The following SHISA9 variants were observed in gnomAD, a reference collection of about 807,000 sequenced individuals.
The protein encoded by SHISA9 is shisa family member 9.
Under a neutral mutation model 38.0 loss-of-function variants are expected in SHISA9, and 13 were observed. The ratio of observed to expected loss-of-function variants is 0.34; its 90% CI spans 0.22 to 0.54. The LOEUF (loss-of-function observed/expected upper bound fraction) is 0.54, where lower values mean the gene tolerates loss of function less well. Among genes scored for constraint, SHISA9 ranks in the 20% least tolerant of loss-of-function variants. The pLI is 0.91. For missense variants in SHISA9, 538 were observed against 575.8 expected (o/e 0.93, Z 0.67); for synonymous variants, 275 against 242.0 (o/e 1.14, Z -1.27).
At chr16:13,466,812 G>A in the SHISA9 span, among the ~76,000 whole-genome samples, 2 of 152,004 alleles carry the variant, frequency 1.3e-5, no homozygotes, top group African/African-American at 4.8e-5. Context: ...TTACATTATA[G>A]CATTTAGGTT....
the SHISA9 span, among the ~76,000 whole-genome samples, chr16:13,510,329 G>A: frequency 2.0e-5 from 3 of 152,054 alleles, no homozygotes; most frequent in Non-Finnish European, 4.4e-5. Flanking sequence ...CAAACAAACT[G>A]AGGCTCATTC....
At chr16:13,023,542 G>A (rs924134860) in intron 2 of SHISA9, among the ~76,000 whole-genome samples, 9 of 152,094 alleles carry the variant, frequency 5.9e-5, no homozygotes, top group Non-Finnish European at 1.0e-4. Context: ...CCCAGTAATG[G>A]GATTGCTGGG....
At chr16:13,401,000 A>G in the SHISA9 span, among the ~76,000 whole-genome samples, 3 of 152,192 alleles carry the variant, frequency 2.0e-5, no homozygotes, top group Admixed American at 2.0e-4. Flanking sequence ...CTCCAGCTTA[A>G]GCATGCATCC....
chr16:13,421,526 A>G, the SHISA9 span, among the ~76,000 whole-genome samples: 8 of 152,278 alleles, frequency 5.3e-5, no homozygotes, highest in Non-Finnish European at 7.4e-5. Flanking sequence ...GATTCAAATT[A>G]TGTCCCACTG....
chr16:13,509,740 T>G, the SHISA9 span, among the ~76,000 whole-genome samples: 1 of 152,212 alleles, frequency 6.6e-6, no homozygotes, highest in East Asian at 1.9e-4. Flanking sequence ...ACCCACTGTG[T>G]GTCAGAAACA....
chr16:12,904,663 A>G (rs1279466628), intron 1 of SHISA9, among the ~76,000 whole-genome samples: 3 of 152,162 alleles, frequency 2.0e-5, no homozygotes, highest in African/African-American at 7.2e-5. Flanking sequence ...CCCAGTATAC[A>G]TTTTTGAGAA....
intron 2 of SHISA9, among the ~76,000 whole-genome samples, chr16:13,110,731 G>A (rs1217511936): frequency 6.6e-6 from 1 of 152,198 alleles, no homozygotes; most frequent in African/African-American, 2.4e-5. Flanking sequence ...AGTGACACAT[G>A]GCCTCATTTA....
At chr16:13,547,100 A>C in the SHISA9 span, among the ~76,000 whole-genome samples, 1 of 152,196 alleles carries the variant, frequency 6.6e-6, no homozygotes, top group Non-Finnish European at 1.5e-5. Flanking sequence ...CATAAAGCCT[A>C]TTACTTTGGG....
intron 1 of SHISA9, 118 bp downstream of exon 1, chr16:12,902,745 C>T: frequency 9.2e-7 from 1 of 1,092,534 alleles, no homozygotes; most frequent in East Asian, 2.6e-5. Context: ...CCCAGCCTCT[C>T]CGCTGGGGGA....
the SHISA9 span, among the ~76,000 whole-genome samples, chr16:13,327,193 C>A: frequency 6.6e-6 from 1 of 152,180 alleles, no homozygotes; most frequent in Non-Finnish European, 1.5e-5. Flanking sequence ...GCCTTTCTCC[C>A]TGCCCGCTGC....
At chr16:13,118,180 TAAAAAAAAAAA>T (rs543126630) in intron 2 of SHISA9, among the ~76,000 whole-genome samples, 5 of 84,050 alleles carry the variant, frequency 5.9e-5, no homozygotes, top group African/African-American at 1.3e-4. Context: ...AGACTTCGTC[TAAAAAAAAAAA>T]AAAAAAAAAG....
chr16:13,437,500 G>A, the SHISA9 span, among the ~76,000 whole-genome samples: 2 of 151,922 alleles, frequency 1.3e-5, no homozygotes, highest in African/African-American at 2.4e-5. Flanking sequence ...CCTTTTGCCC[G>A]AGGCTGAGCA....
the SHISA9 span, among the ~76,000 whole-genome samples, chr16:13,449,257 C>A: frequency 2.4e-4 from 36 of 152,104 alleles, no homozygotes; most frequent in South Asian, 1.0e-3. Context: ...AGAAATAGAC[C>A]AAAATGTTCA....
chr16:13,013,818 C>G (rs2072708368), intron 2 of SHISA9, among the ~76,000 whole-genome samples: 1 of 152,112 alleles, frequency 6.6e-6, no homozygotes, highest in African/African-American at 2.4e-5. Context: ...AGCTCCGCGT[C>G]CCGGGTTCAC....
chr16:13,512,387 C>G, the SHISA9 span, among the ~76,000 whole-genome samples: 1 of 152,116 alleles, frequency 6.6e-6, no homozygotes, highest in African/African-American at 2.4e-5. Flanking sequence ...AACTATTCCA[C>G]CCTCATAGAT....
At chr16:13,045,991 G>A (rs2073184304) in intron 2 of SHISA9, among the ~76,000 whole-genome samples, 1 of 152,198 alleles carries the variant, frequency 6.6e-6, no homozygotes, top group Non-Finnish European at 1.5e-5. Flanking sequence ...CAGTGGAATT[G>A]AGGAGGCAGG....
At chr16:13,505,937 G>A in the SHISA9 span, among the ~76,000 whole-genome samples, 18,962 of 152,080 alleles carry the variant, frequency 0.12, 1,363 homozygotes, top group African/African-American at 0.2. Context: ...AAAAATCATT[G>A]CCCATTGGCC....
At chr16:13,192,895 A>G (rs189283232) in intron 2 of SHISA9, among the ~76,000 whole-genome samples, 37 of 151,858 alleles carry the variant, frequency 2.4e-4, no homozygotes, top group Admixed American at 9.2e-4. Context: ...GAAGAAGAAG[A>G]AAGAAGGAGG....
the SHISA9 span, among the ~76,000 whole-genome samples, chr16:13,506,049 G>T: frequency 6.6e-6 from 1 of 152,186 alleles, no homozygotes; most frequent in Non-Finnish European, 1.5e-5. Flanking sequence ...TTGGTAAGAA[G>T]AATAGAGGAG....
Sources: allele counts gnomAD v4.1 joint callset (sites outside exome capture counted in the v4.1 genomes callset), GRCh38; gene constraint gnomAD v4.1.1; transcripts MANE v1.5; gene names NCBI Gene and HGNC (gene_info 2026-07-23, HGNC 2026-07-21).